The following CYP27C1 variants were observed in gnomAD, a reference collection of about 807,000 sequenced individuals.
The protein encoded by CYP27C1 is cytochrome P450 family 27 subfamily C member 1, also known as cytochrome P450 27C1.
CYP27C1 carries 29 observed loss-of-function variants against 40.6 expected under a neutral mutation model. That is an observed-to-expected ratio of 0.71 (90% CI 0.53 to 0.97). The LOEUF (loss-of-function observed/expected upper bound fraction) is 0.97, where lower values mean the gene tolerates loss of function less well. Ranked by LOEUF, CYP27C1 falls within the 50% of genes least tolerant of loss-of-function variation. The probability of loss-of-function intolerance (pLI) is 0.00; values close to 1 mark genes in which losing one functional copy is unlikely to be tolerated. For synonymous variants in CYP27C1, 198 were observed against 186.8 expected, an observed-to-expected ratio of 1.06 and a Z score of -0.49; for missense variants, 390 against 485.8, an observed-to-expected ratio of 0.80 and a Z score of 1.85.
At chr2:127,212,339 A>G (rs1029123952) in intron 1 of CYP27C1, among the ~76,000 whole-genome samples, 1 of 152,228 alleles carries the variant, frequency 6.6e-6, no homozygotes, top group Non-Finnish European at 1.5e-5. Context: ...TCATCCTGAT[A>G]CCAAAACCAG....
intron 5 of CYP27C1, among the ~76,000 whole-genome samples, chr2:127,198,513 T>A (rs1305999734): frequency 6.6e-6 from 1 of 151,296 alleles, no homozygotes; most frequent in African/African-American, 2.4e-5. Flanking sequence ...GGAATTTTGG[T>A]TATGCTTTTC....
rs1165481866 is a variant in CYP27C1 at position 127,185,128 on chromosome 2, G to T, written c.*2143C>A. ...AGCCACCACGCCCAGCCCCCATGGA[G>T]TTTTGACATCTCCCTGTATACCACA... is the stretch of plus-strand genomic sequence containing the variant. On this transcript the variant is annotated 3_prime_UTR_variant, in exon 9 of 9. Coordinates refer to ENST00000664447, the MANE Select transcript of CYP27C1 (RefSeq NM_001367502.1). This position sits in a 1 kb window ranked among gnomAD's most constrained non-coding sequence, Gnocchi z 4.9. 1 of 152,300 alleles carries T rather than the reference G, an allele frequency of 6.6e-6. No homozygotes were observed. The highest frequency in any genetic ancestry group is 1.5e-5 in the Non-Finnish European group (1 of 68,098). The allele number at this position is 152,300 out of a possible 1,614,324, so 9.4% of individuals were successfully genotyped here. A position where few individuals can be genotyped will look rare whatever the true frequency, so the allele number is the denominator to read the frequency against.
chr2:127,201,118 T>C lies in CYP27C1; in HGVS notation c.883+4A>G. ...GCAAAAGGTGCTCTCAATTCTTCTC[T>C]TACTGAATTTGAAGAGTCCATCCCA... is the stretch of plus-strand genomic sequence containing the variant. On this transcript the variant is annotated splice_donor_region_variant and intron_variant, in intron 4 of 8. Transcript: ENST00000664447. The surrounding 1 kb of genome is among the most constrained non-coding windows in gnomAD (Gnocchi z 6.0). The C allele has an allele frequency of 6.2e-7, 1 of 1,611,844 alleles. No individual in the cohort carries two copies.
rs6747862 is a variant in CYP27C1 at position 127,208,269 on chromosome 2, A to G, written c.283-2179T>C. Among the ~76,000 whole-genome samples the G allele has an allele frequency of 0.19, 29,094 of 152,200 alleles. 3,069 individuals are homozygous for G. The highest frequency in any genetic ancestry group is 0.29 in the East Asian group (1,498 of 5,168). On this transcript the variant is annotated intron_variant, in intron 1 of 8. Transcript: ENST00000664447. The surrounding 1 kb of genome is among the most constrained non-coding windows in gnomAD (Gnocchi z 5.2). ...CAGTGTAGTGCAGTGGCCCACCTGG[A>G]AGCCACACGGGGAAGGGAACCCACT... is the stretch of plus-strand genomic sequence containing the variant.
rs909898910 is a variant in CYP27C1 at position 127,208,294 on chromosome 2, TC to T, written c.283-2205del. Among the ~76,000 whole-genome samples, 11 of 151,818 alleles carry T rather than the reference TC, an allele frequency of 7.2e-5. No individual in the cohort carries two copies. Among genetic ancestry groups the T allele is most frequent in the African/African-American group, 2.4e-4 (10 of 41,322 alleles). On this transcript the variant is annotated intron_variant, in intron 1 of 8. Transcript: ENST00000664447. The surrounding 1 kb of genome is among the most constrained non-coding windows in gnomAD (Gnocchi z 5.2). The stretch of plus-strand genomic sequence containing the variant: ...AAGCCACACGGGGAAGGGAACCCAC[TC>T]CCCCCAGCCAAGGGAGGTGGTGAGT...
chr2:127,189,357 G>T (rs914264795), intron 8 of CYP27C1, among the ~76,000 whole-genome samples: 1 of 152,034 alleles, frequency 6.6e-6, no homozygotes, highest in African/African-American at 2.4e-5. Context: ...TGGGGCAGAC[G>T]CCATTTATTT....
At chr2:127,211,550 T>A (rs1683339813) in intron 1 of CYP27C1, among the ~76,000 whole-genome samples, 1 of 150,846 alleles carries the variant, frequency 6.6e-6, no homozygotes. Context: ...GCCCAGCTAA[T>A]TTTTTTTTGT....
rs1449605106 is a variant in CYP27C1, at chr2:127,220,112, C to G, written c.159G>C (p.Ser53=). The G allele has an allele frequency of 6.6e-6, 1 of 150,738 alleles. No homozygotes were observed. Among genetic ancestry groups the G allele is most frequent in the Non-Finnish European group, 1.5e-5 (1 of 67,646 alleles). 9.3% of individuals were successfully genotyped at this position (150,738 alleles called of 1,614,324 possible). Residue 53 remains serine (S), a synonymous_variant, in exon 1 of 9, where the codon TCG becomes TCC. Transcript: ENST00000664447. The surrounding 1 kb of genome is among the most constrained non-coding windows in gnomAD (Gnocchi z 4.6). The part of the protein sequence containing the change: ...AEDKGAGRPG[S]PPGGGRAEGP... ...CCTCGGCTCGGCCCCCTCCCGGCGG[C>G]GACCCCGGCCGCCCGGCGCCTTTGT...
intron 5 of CYP27C1, 62 bp downstream of exon 5, chr2:127,199,314 A>G: frequency 1.9e-6 from 3 of 1,582,022 alleles, no homozygotes; most frequent in Non-Finnish European, 2.6e-6. Context: ...GACAACGTCC[A>G]TGAGGTGATG....
chr2:127,188,720 G>A (rs1682694685), intron 8 of CYP27C1, among the ~76,000 whole-genome samples: 1 of 151,438 alleles, frequency 6.6e-6, no homozygotes, highest in South Asian at 2.1e-4. Context: ...GCCTCCCAGG[G>A]TAAAACTGGA....
chr2:127,204,404 GAA>G (rs1683121260), intron 2 of CYP27C1, among the ~76,000 whole-genome samples: 1 of 127,104 alleles, frequency 7.9e-6, no homozygotes, highest in African/African-American at 2.9e-5. Context: ...AAGAGAGAGA[GAA>G]AGAAAGAAAA....
chr2:127,204,440 A>AAAAGAAAGAAAGAAAAGAAAG (rs1553503224), intron 2 of CYP27C1, among the ~76,000 whole-genome samples: 18 of 41,326 alleles, frequency 4.4e-4, no homozygotes, highest in South Asian at 2.5e-3. Context: ...GAAAGAAAGA[A>AAAAGAAAGAAAGAAAAGAAAG]AAAGAAAGAA....
intron 7 of CYP27C1, 98 bp downstream of exon 7, chr2:127,193,691 G>C: frequency 7.7e-7 from 1 of 1,297,934 alleles, no homozygotes. Context: ...GAAACCTATT[G>C]ATCTCTGCTT....
chr2:127,202,977 G>A (rs951559198), intron 3 of CYP27C1, among the ~76,000 whole-genome samples: 57 of 152,138 alleles, frequency 3.7e-4, no homozygotes, highest in East Asian at 9.7e-4. Context: ...GACCAGCCTT[G>A]CCAACATGGT....
chr2:127,199,564 G>C (rs755153001), intron 4 of CYP27C1, 25 bp from the exon 5 acceptor site: 56 of 1,595,054 alleles, frequency 3.5e-5, no homozygotes, highest in Non-Finnish European at 4.5e-5. Flanking sequence ...TATTTCTTTT[G>C]AAAGGAGTTT....
chr2:127,202,149 A>G (rs1459250364), intron 3 of CYP27C1, among the ~76,000 whole-genome samples: 5 of 137,602 alleles, frequency 3.6e-5, no homozygotes, highest in East Asian at 2.1e-4. Context: ...TTTGAGATGG[A>G]GTTTCACTCT....
rs1682821905 is a variant in CYP27C1 at position 127,193,192 on chromosome 2, T to G, written c.1399A>C (p.Arg467=). 9 of 1,614,036 alleles carry G rather than the reference T, an allele frequency of 5.6e-6. No individual in the cohort carries two copies. The highest frequency in any genetic ancestry group is 7.6e-6 in the Non-Finnish European group (9 of 1,180,014). Residue 467 remains arginine, a synonymous_variant, in exon 8 of 9, where the codon AGA becomes CGA. Coordinates refer to ENST00000664447, the MANE Select transcript of CYP27C1 (RefSeq NM_001367502.1). ...GGGATGGATCCAAAATTGTCAACTC[T>G]ATCTAAGTCTCCTTTCCGCAGCCAG... The part of the protein sequence containing the change: ...ERWLRKGDLD[R]VDNFGSIPFG...
Position 127,196,584 on chromosome 2 carries a change from GA to G in CYP27C1, c.1048-1084del, listed in dbSNP as rs1337217750. On this transcript the variant is annotated intron_variant, in intron 5 of 8. Transcript: ENST00000664447. This position sits in a 1 kb window ranked among gnomAD's most constrained non-coding sequence, Gnocchi z 4.5. ...GCAATATTGATATCATTTTCTTGTA[GA>G]AGATATCACGTGTTTTAGAGGGCAG... Among the ~76,000 whole-genome samples, 34 of 151,524 alleles carry G rather than the reference GA, an allele frequency of 2.2e-4. No homozygotes were observed. The highest frequency in any genetic ancestry group is 8.0e-4 in the African/African-American group (33 of 41,298).
intron 8 of CYP27C1, among the ~76,000 whole-genome samples, chr2:127,188,428 AAGACTCGTTTTGT>A (rs1682687734): frequency 1.3e-5 from 2 of 152,108 alleles, no homozygotes; most frequent in South Asian, 4.2e-4. Context: ...CATAGAAACA[AAGACTCGTTTTGT>A]TGCCCAGGCT....
Sources: gnomAD v4.1 joint callset for allele counts (sites outside exome capture counted in the v4.1 genomes callset) on GRCh38, gnomAD v4.1.1 for gene constraint, Gnocchi (gnomAD v3.1) non-coding constraint, MANE v1.5 for transcripts, NCBI Gene and HGNC (gene_info 2026-07-23, HGNC 2026-07-21) for gene names.